The following ADGRG6 variants were observed in gnomAD, a reference collection of about 807,000 sequenced individuals.
The protein encoded by ADGRG6 is G-protein coupled receptor 126.
ADGRG6 carries 84 observed loss-of-function variants against 142.4 expected under a neutral mutation model. That is an observed-to-expected ratio of 0.59 (90% confidence interval 0.49 to 0.71). The LOEUF (loss-of-function observed/expected upper bound fraction) is 0.71, where lower values mean the gene tolerates loss of function less well. Ranked by LOEUF, ADGRG6 falls within the 30% of genes least tolerant of loss-of-function variation. ADGRG6 has a pLI of 0.00. For synonymous variants in ADGRG6, 521 were observed against 520.5 expected, an observed-to-expected ratio of 1.00 and a Z score of -0.01; for missense variants, 1,367 against 1,466.6, an observed-to-expected ratio of 0.93 and a Z score of 1.11.
At chr6:142,316,375 C>A (rs1350666618) in intron 2 of ADGRG6, among the ~76,000 whole-genome samples, 1 of 152,034 alleles carries the variant, frequency 6.6e-6, no homozygotes, top group East Asian at 1.9e-4. Context: ...GACAGAATTA[C>A]ACTAGTCACT....
intron 20 of ADGRG6, 179 bp from the exon 21 acceptor site, chr6:142,417,094 G>A (rs1396654140): frequency 3.0e-6 from 2 of 655,848 alleles, no homozygotes; most frequent in Non-Finnish European, 5.6e-6. Flanking sequence ...TGAACCCCAA[G>A]GAGGGGATTT....
At chr6:142,415,740 TA>T (rs1776314493) in intron 19 of ADGRG6, 55 bp from the exon 20 acceptor site, 1 of 1,271,744 alleles carries the variant, frequency 7.9e-7, no homozygotes, top group Non-Finnish European at 1.1e-6. Flanking sequence ...GGCCTGTGCT[TA>T]AAAGATTGAT....
chr6:142,345,219 C>T (rs9496343), intron 2 of ADGRG6, among the ~76,000 whole-genome samples: 5,126 of 151,986 alleles, frequency 0.034, 102 homozygotes, highest in Admixed American at 0.046. Context: ...TAACGTTTTT[C>T]GATACAAACA....
At chr6:142,370,091 G>T (rs1781161806) in intron 3 of ADGRG6, 79 bp from the exon 4 acceptor site, 1 of 1,238,398 alleles carries the variant, frequency 8.1e-7, no homozygotes, top group Non-Finnish European at 1.1e-6. Context: ...GAAAGCGATG[G>T]AGGGCTTGAT....
At chr6:142,369,223 G>A (rs988094530) in intron 3 of ADGRG6, among the ~76,000 whole-genome samples, 4 of 152,066 alleles carry the variant, frequency 2.6e-5, no homozygotes, top group African/African-American at 9.7e-5. Flanking sequence ...TATTAGCATA[G>A]GGCTAAATCT....
intron 22 of ADGRG6, among the ~76,000 whole-genome samples, chr6:142,433,343 T>TA (rs1777305571): frequency 6.6e-6 from 1 of 152,226 alleles, no homozygotes; most frequent in Non-Finnish European, 1.5e-5. Context: ...TCGAATTATT[T>TA]ATACACTTTT....
intron 2 of ADGRG6, among the ~76,000 whole-genome samples, chr6:142,358,125 A>G (rs1057372613): frequency 6.6e-6 from 1 of 152,202 alleles, no homozygotes. Context: ...TGAAGCTAAG[A>G]CATTCTCTAC....
intron 2 of ADGRG6, among the ~76,000 whole-genome samples, chr6:142,317,933 A>G (rs1342315889): frequency 1.4e-5 from 1 of 71,444 alleles, no homozygotes; most frequent in African/African-American, 5.8e-5. Context: ...TTATATATTT[A>G]TATATTATAT....
At chr6:142,364,215 G>T (rs1780845693) in intron 2 of ADGRG6, among the ~76,000 whole-genome samples, 1 of 152,156 alleles carries the variant, frequency 6.6e-6, no homozygotes, top group East Asian at 1.9e-4. Flanking sequence ...TTGTTATTGT[G>T]AATTGCTCTA....
chr6:142,395,739 T>A (rs1583087457), intron 9 of ADGRG6, among the ~76,000 whole-genome samples: 3 of 152,216 alleles, frequency 2.0e-5, no homozygotes, highest in South Asian at 4.1e-4. Context: ...GTCTCTTTTT[T>A]CTATTCTCTA....
At chr6:142,326,441 A>G (rs969904049) in intron 2 of ADGRG6, among the ~76,000 whole-genome samples, 1 of 152,126 alleles carries the variant, frequency 6.6e-6, no homozygotes, top group Non-Finnish European at 1.5e-5. Context: ...TTTTAGAAAG[A>G]TAATTGGCAT....
intron 2 of ADGRG6, among the ~76,000 whole-genome samples, chr6:142,358,987 C>A (rs1780584775): frequency 6.6e-6 from 1 of 151,284 alleles, no homozygotes; most frequent in Non-Finnish European, 1.5e-5. Flanking sequence ...GGGAGGATCA[C>A]TTGAGTCCAG....
intron 4 of ADGRG6, 182 bp downstream of exon 4, chr6:142,370,975 C>G (rs1019049124): frequency 1.1e-5 from 7 of 612,102 alleles, no homozygotes; most frequent in African/African-American, 7.4e-5. Context: ...CTGCTCAGCT[C>G]TTATAGCACA....
intron 2 of ADGRG6, among the ~76,000 whole-genome samples, chr6:142,349,287 G>A (rs1438807478): frequency 1.3e-5 from 2 of 152,218 alleles, no homozygotes; most frequent in African/African-American, 4.8e-5. Context: ...GACTAATCTT[G>A]GAGCAACACC....
intron 2 of ADGRG6, among the ~76,000 whole-genome samples, chr6:142,339,564 T>C (rs1412694991): frequency 6.6e-6 from 1 of 152,228 alleles, no homozygotes; most frequent in African/African-American, 2.4e-5. Context: ...TTGTATGTTG[T>C]TACTAATATT....
At chr6:142,346,445 T>G (rs1779905860) in intron 2 of ADGRG6, among the ~76,000 whole-genome samples, 1 of 152,210 alleles carries the variant, frequency 6.6e-6, no homozygotes, top group Non-Finnish European at 1.5e-5. Context: ...CATAAGTGTC[T>G]TCTTTTGAGA....
At chr6:142,302,665 G>A in intron 1 of ADGRG6, 1 of 349,954 alleles carries the variant, frequency 2.9e-6, no homozygotes, top group Non-Finnish European at 5.1e-6. Context: ...GGAGTAACAG[G>A]CACCGCTCCT....
chr6:142,328,571 A>T (rs1202018256), intron 2 of ADGRG6, among the ~76,000 whole-genome samples: 1 of 152,134 alleles, frequency 6.6e-6, no homozygotes, highest in Admixed American at 6.6e-5. Flanking sequence ...TTTAAATCTA[A>T]TTATAGTTCA....
chr6:142,372,628 C>A (rs1781313643), intron 4 of ADGRG6, among the ~76,000 whole-genome samples: 1 of 152,172 alleles, frequency 6.6e-6, no homozygotes, highest in African/African-American at 2.4e-5. Flanking sequence ...AACTGCAGAG[C>A]TTTATAAGAG....
Sources: allele counts gnomAD v4.1 joint callset (sites outside exome capture counted in the v4.1 genomes callset), GRCh38; gene constraint gnomAD v4.1.1; transcripts MANE v1.5; gene names NCBI Gene and HGNC (gene_info 2026-07-23, HGNC 2026-07-21).